Variants in UTP4 observed in about 807,000 individuals in gnomAD.
UTP4 encodes the protein U3 small nucleolar RNA-associated protein 4 homolog.
In UTP4, 45 loss-of-function variants were observed where a neutral mutation model predicts 82.4. The observed-to-expected ratio is 0.55, with a 90% CI of 0.43 to 0.70. The LOEUF (loss-of-function observed/expected upper bound fraction) is 0.70. Ranked by LOEUF, UTP4 falls within the 30% of genes least tolerant of loss-of-function variation. The pLI, the probability that UTP4 is intolerant of heterozygous loss-of-function variation, is 0.00. For synonymous variants in UTP4, 348 were observed against 300.3 expected (o/e 1.16, Z -1.64); for missense variants, 819 against 858.3 (o/e 0.95, Z 0.57).
At chr16:69,159,619 C>G (rs1425723874) in intron 12 of UTP4, among the ~76,000 whole-genome samples, 1 of 151,648 alleles carries the variant, frequency 6.6e-6, no homozygotes, top group Non-Finnish European at 1.5e-5. Context: ...ACCCGAGAGG[C>G]AGAGGTTGCA....
intron 12 of UTP4, 27 bp from the exon 13 acceptor site, chr16:69,160,329 A>G: frequency 1.3e-6 from 2 of 1,563,454 alleles, no homozygotes; most frequent in Non-Finnish European, 1.8e-6. Context: ...GTGTGAATTC[A>G]GAGATGTAAC....
chr16:69,162,856 C>T (rs376557312), intron 13 of UTP4, among the ~76,000 whole-genome samples: 1 of 150,696 alleles, frequency 6.6e-6, no homozygotes, highest in Non-Finnish European at 1.5e-5. Context: ...CGCCACTGCA[C>T]TCCAGCCTGG....
At chr16:69,154,989 G>C (rs964853951) in intron 10 of UTP4, among the ~76,000 whole-genome samples, 3 of 151,980 alleles carry the variant, frequency 2.0e-5, no homozygotes, top group African/African-American at 7.3e-5. Flanking sequence ...CAAAGTGCTG[G>C]GATTATAGGC....
chr16:69,153,189 C>T (rs1963321424), intron 8 of UTP4, among the ~76,000 whole-genome samples: 1 of 152,206 alleles, frequency 6.6e-6, no homozygotes, highest in African/African-American at 2.4e-5. Context: ...GAATGTTCTG[C>T]CCTGCCTCCT....
At chr16:69,160,824 G>C (rs1440230959) in intron 13 of UTP4, among the ~76,000 whole-genome samples, 1 of 151,954 alleles carries the variant, frequency 6.6e-6, no homozygotes, top group Non-Finnish European at 1.5e-5. Flanking sequence ...TTGAACTCCT[G>C]AGCTCAGGCA....
chr16:69,166,910 GGTATTATGGCTACA>G (rs1963716142), intron 15 of UTP4, 151 bp from the exon 16 acceptor site: 1 of 619,216 alleles, frequency 1.6e-6, no homozygotes, highest in South Asian at 1.9e-5. Flanking sequence ...TCTGAATAGA[GGTATTATGGCTACA>G]GCTGTTTTCC....
At chr16:69,136,912 C>G in intron 3 of UTP4, 25 bp downstream of exon 3, 1 of 1,606,574 alleles carries the variant, frequency 6.2e-7, no homozygotes, top group Non-Finnish European at 8.5e-7. Context: ...ATTGGTAATT[C>G]AAACCAAAAT....
intron 12 of UTP4, among the ~76,000 whole-genome samples, chr16:69,158,161 CTTTTTTTTTTTTTT>C (rs34392768): frequency 2.2e-4 from 9 of 40,422 alleles, no homozygotes; most frequent in Admixed American, 3.9e-4. Flanking sequence ...AAAGTCAACT[CTTTTTTTTTTTTTT>C]TTTTTTTTTT....
At chr16:69,144,824 A>G (rs1963063241) in intron 6 of UTP4, among the ~76,000 whole-genome samples, 2 of 152,184 alleles carry the variant, frequency 1.3e-5, no homozygotes, top group African/African-American at 4.8e-5. Flanking sequence ...TTTAATCCAC[A>G]GCAGTTGTAA....
intron 16 of UTP4, 34 bp from the exon 17 acceptor site, chr16:69,168,773 TAGCCCTGGATCCTA>T: frequency 8.4e-7 from 1 of 1,191,716 alleles, no homozygotes; most frequent in Non-Finnish European, 1.3e-6. Flanking sequence ...CTTTCAGGAC[TAGCCCTGGATCCTA>T]AGTCCTGATA....
At chr16:69,148,613 CTT>C (rs752824037) in intron 6 of UTP4, among the ~76,000 whole-genome samples, 33 of 138,286 alleles carry the variant, frequency 2.4e-4, no homozygotes, top group Non-Finnish European at 2.1e-4. Flanking sequence ...ATCTTCATTA[CTT>C]TTTTTTTTTT....
chr16:69,154,912 T>G (rs1001880609), intron 10 of UTP4, among the ~76,000 whole-genome samples: 1 of 151,594 alleles, frequency 6.6e-6, no homozygotes, highest in Non-Finnish European at 1.5e-5. Context: ...GTATTTTTAG[T>G]AGAGATGGGG....
intron 2 of UTP4, among the ~76,000 whole-genome samples, chr16:69,134,764 G>A (rs1567599255): frequency 1.4e-5 from 2 of 146,882 alleles, no homozygotes; most frequent in Non-Finnish European, 1.5e-5. Context: ...GTGCAGTGGC[G>A]TGATCTTGGC....
At chr16:69,161,203 A>G (rs1288904467) in intron 13 of UTP4, among the ~76,000 whole-genome samples, 1 of 152,248 alleles carries the variant, frequency 6.6e-6, no homozygotes, top group Non-Finnish European at 1.5e-5. Context: ...AATACTGGGA[A>G]AACATTTTTC....
chr16:69,137,722 T>TG (rs989237106), intron 3 of UTP4, 79 bp from the exon 4 acceptor site: 5 of 807,042 alleles, frequency 6.2e-6, no homozygotes, highest in African/African-American at 3.4e-5. Flanking sequence ...GAGTGTGTGT[T>TG]GGGGGGTGTG....
intron 5 of UTP4, among the ~76,000 whole-genome samples, 186 bp from the exon 6 acceptor site, chr16:69,142,992 C>T (rs1210513556): frequency 6.6e-6 from 1 of 152,174 alleles, no homozygotes; most frequent in Non-Finnish European, 1.5e-5. Context: ...TCAGTCAGCT[C>T]ACCTACCATA....
In UTP4 at chr16:69,160,348, C is replaced by G. The variant is rs954360135; in HGVS notation, c.1445-8C>G. 2 of 1,609,408 alleles carry G rather than the reference C, an allele frequency of 1.2e-6. No homozygotes were observed. ...GAATTCAGAGATGTAACTGTTTTGTCCTCACAGGAACAGTGGAGGCCATGT... is the reference window on the plus strand; with the variant it reads ...GAATTCAGAGATGTAACTGTTTTGTGCTCACAGGAACAGTGGAGGCCATGT... On this transcript the variant is annotated splice_region_variant and splice_polypyrimidine_tract_variant and intron_variant, in intron 12 of 16. Coordinates refer to ENST00000314423, the MANE Select transcript of UTP4 (RefSeq NM_032830.3).
chr16:69,133,960 T>A (rs1962733329), intron 2 of UTP4, among the ~76,000 whole-genome samples: 1 of 152,200 alleles, frequency 6.6e-6, no homozygotes, highest in South Asian at 2.1e-4. Context: ...GCAGGGAGTA[T>A]CAGTACTGTT....
At chr16:69,143,077 T>TA in intron 5 of UTP4, 101 bp from the exon 6 acceptor site, 1 of 1,291,442 alleles carries the variant, frequency 7.7e-7, no homozygotes, top group Non-Finnish European at 1.1e-6. Flanking sequence ...AGGCTGGCCT[T>TA]AAACTCCAGG....
Sources: allele counts gnomAD v4.1 joint callset (sites outside exome capture counted in the v4.1 genomes callset), GRCh38; gene constraint gnomAD v4.1.1; transcripts MANE v1.5; gene names NCBI Gene and HGNC (gene_info 2026-07-23, HGNC 2026-07-21).